The following SLTM variants were observed in gnomAD, a reference collection of about 807,000 sequenced individuals.
The protein encoded by SLTM is SAFB-like transcription modulator.
SLTM carries 43 observed loss-of-function variants against 134.6 expected under a neutral mutation model. The ratio of observed to expected loss-of-function variants is 0.32; its 90% CI spans 0.25 to 0.41. The LOEUF is 0.41. Among genes scored for constraint, SLTM ranks in the 10% least tolerant of loss-of-function variants. The pLI, the probability that SLTM is intolerant of heterozygous loss-of-function variation, is 1.00. For missense variants in SLTM, 1,055 were observed against 1,288.8 expected (o/e 0.82, Z 2.78); for synonymous variants, 424 against 432.3 (o/e 0.98, Z 0.24).
In SLTM at chr15:58,933,440, G is replaced by A. The variant is rs766213173; in HGVS notation, c.126C>T (p.Thr42=). The change falls in exon 1 of 21, where the codon ACC becomes ACT. Residue 42 remains threonine (T), a synonymous_variant. Coordinates refer to ENST00000380516, the MANE Select transcript of SLTM (RefSeq NM_024755.4). ...GGGAGATGAGCACGGTCTTGACTCC[G>A]GTGATGTCTAAGTTCCGCCGCTTCA... The part of the protein sequence containing the change: ...SELKRRNLDI[T]GVKTVLISRL... The A allele has an allele frequency of 1.1e-5, 17 of 1,593,556 alleles. No homozygotes were observed. Among genetic ancestry groups the A allele is most frequent in the Non-Finnish European group, 1.5e-5 (17 of 1,170,736 alleles).
Position 58,886,987 on chromosome 15 carries a change from T to G in SLTM, c.2823A>C (p.Gly941=), listed in dbSNP as rs751333113. 3.7e-6 allele frequency: 6 copies of G among 1,612,436 alleles called. No homozygotes were observed. Among genetic ancestry groups the G allele is most frequent in the Admixed American group, 1.7e-5 (1 of 60,004 alleles). ...EGDRGVITDR[G]GGSQHYPEER... ...CCGCAGCACTTACCTGTGATCCACC[T>G]CCTCGGTCTGTGATGACTCCTCTGT... The change falls in exon 19 of 21, where the codon GGA becomes GGC. Residue 941 remains glycine, a synonymous_variant. Transcript: ENST00000380516.
intron 8 of SLTM, 28 bp from the exon 9 acceptor site, chr15:58,897,261 A>G: frequency 7.9e-7 from 1 of 1,263,854 alleles, no homozygotes; most frequent in Non-Finnish European, 1.1e-6. Context: ...TCAGATGTTT[A>G]AGTATCTCAA....
chr15:58,886,303 G>A (rs1325187091), intron 19 of SLTM, among the ~76,000 whole-genome samples: 56 of 145,280 alleles, frequency 3.9e-4, no homozygotes, highest in African/African-American at 1.4e-3. Context: ...GTCTGGCTCT[G>A]TAGCCCAGGC....
intron 19 of SLTM, among the ~76,000 whole-genome samples, chr15:58,886,677 T>C (rs2053471607): frequency 6.6e-6 from 1 of 152,210 alleles, no homozygotes; most frequent in African/African-American, 2.4e-5. Flanking sequence ...ACCAAAGTTA[T>C]CATTAGATAG....
chr15:58,917,076 C>T, intron 2 of SLTM, 77 bp from the exon 3 acceptor site: 1 of 1,305,130 alleles, frequency 7.7e-7, no homozygotes, highest in Non-Finnish European at 1.1e-6. Flanking sequence ...GTTTACCCTG[C>T]AATAGCACTC....
intron 19 of SLTM, among the ~76,000 whole-genome samples, chr15:58,884,386 T>G (rs2034007561): frequency 1.3e-5 from 2 of 151,980 alleles, no homozygotes; most frequent in South Asian, 4.2e-4. Context: ...TGGCGCGATC[T>G]CGGCTCACTG....
intron 2 of SLTM, among the ~76,000 whole-genome samples, chr15:58,917,726 T>C (rs2036744983): frequency 6.6e-6 from 1 of 152,052 alleles, no homozygotes; most frequent in South Asian, 2.1e-4. Flanking sequence ...TGCAACCTGG[T>C]AGTTAGAAAT....
chr15:58,915,347 A>G (rs1480889529), intron 3 of SLTM, among the ~76,000 whole-genome samples: 4 of 152,246 alleles, frequency 2.6e-5, no homozygotes, highest in Non-Finnish European at 5.9e-5. Flanking sequence ...ATAGACGTAT[A>G]TATCTCCTTA....
chr15:58,915,643 T>C (rs2036582278), intron 3 of SLTM, among the ~76,000 whole-genome samples: 1 of 152,038 alleles, frequency 6.6e-6, no homozygotes, highest in Admixed American at 6.6e-5. Flanking sequence ...GGGCAAACAG[T>C]TCCTAAAATT....
intron 2 of SLTM, among the ~76,000 whole-genome samples, chr15:58,926,344 T>C (rs891154469): frequency 6.6e-6 from 1 of 152,152 alleles, no homozygotes; most frequent in East Asian, 1.9e-4. Flanking sequence ...ATTTTAGTTG[T>C]TGAAAAGGGG....
At chr15:58,882,050 T>C (rs2033757257) in intron 20 of SLTM, among the ~76,000 whole-genome samples, 1 of 151,294 alleles carries the variant, frequency 6.6e-6, no homozygotes, top group Admixed American at 6.6e-5. Context: ...TTGCTAAAAA[T>C]ACAAAAATTA....
At chr15:58,910,786 C>T (rs1283933486) in intron 5 of SLTM, among the ~76,000 whole-genome samples, 1 of 146,442 alleles carries the variant, frequency 6.8e-6, no homozygotes, top group African/African-American at 2.5e-5. Flanking sequence ...GGTCTGTTGC[C>T]TAGGCTGGAG....
chr15:58,893,191 A>G, intron 13 of SLTM, 88 bp downstream of exon 13: 1 of 1,413,114 alleles, frequency 7.1e-7, no homozygotes, highest in Non-Finnish European at 9.8e-7. Context: ...CTAGCATGCA[A>G]GTACGCAAAG....
In SLTM at chr15:58,899,456, T is replaced by G. The variant is rs370850060; in HGVS notation, c.1058+13A>C. The G allele has an allele frequency of 6.2e-7, 1 of 1,608,940 alleles. No individual in the cohort carries two copies. Among genetic ancestry groups the G allele is most frequent in the South Asian group, 1.1e-5 (1 of 90,906 alleles). On this transcript the variant is annotated intron_variant, in intron 7 of 20. Transcript: ENST00000380516. The surrounding 1 kb of genome is among the most constrained non-coding windows in gnomAD (Gnocchi z 5.0). ...AATTCAGTATCGTAAAGAACTGACA[T>G]AGAAAAACAAACCTCTTTGCTTGAC...
At chr15:58,908,751 A>C (rs1235162960) in intron 5 of SLTM, among the ~76,000 whole-genome samples, 2 of 152,224 alleles carry the variant, frequency 1.3e-5, no homozygotes, top group African/African-American at 4.8e-5. Flanking sequence ...TGGGTGATAC[A>C]ACCACACAGA....
chr15:58,888,599 G>A, intron 16 of SLTM, 44 bp from the exon 17 acceptor site: 1 of 1,590,356 alleles, frequency 6.3e-7, no homozygotes, highest in Non-Finnish European at 8.6e-7. Context: ...TAGTTCTACA[G>A]TAATCAAACG....
chr15:58,899,912 T>C lies in SLTM; in HGVS notation c.615A>G (p.Thr205=). 6.2e-7 allele frequency: 1 copy of C among 1,612,984 alleles called. No homozygotes were observed. Residue 205 remains threonine (T), a synonymous_variant, in exon 7 of 21, where the codon ACA becomes ACG. Transcript: ENST00000380516. The surrounding 1 kb of genome is among the most constrained non-coding windows in gnomAD (Gnocchi z 5.0). The part of the protein sequence containing the change: ...EKDIAGSGDG[T]QEVSKPLPSE... ...AAGGAAGAGGTTTAGATACTTCTTG[T>C]GTACCATCACCAGAACCTGCTATAT...
At chr15:58,930,239 G>A (rs1298074489) in intron 2 of SLTM, among the ~76,000 whole-genome samples, 1 of 150,410 alleles carries the variant, frequency 6.6e-6, no homozygotes, top group South Asian at 2.1e-4. Context: ...CCAGCCTCCC[G>A]AGTAGCTGGG....
At chr15:58,933,318 C>G (rs1032007486) in intron 1 of SLTM, 86 bp downstream of exon 1, 2 of 1,421,572 alleles carry the variant, frequency 1.4e-6, no homozygotes, top group Non-Finnish European at 9.3e-7. Flanking sequence ...CGGCTGCGGG[C>G]AGCCGGAGGC....
Sources: allele counts gnomAD v4.1 joint callset (sites outside exome capture counted in the v4.1 genomes callset), GRCh38; gene constraint gnomAD v4.1.1; non-coding constraint Gnocchi (gnomAD v3.1); transcripts MANE v1.5; gene names NCBI Gene and HGNC (gene_info 2026-07-23, HGNC 2026-07-21).